Variants in ERC2 observed in about 807,000 individuals in gnomAD.
ERC2 encodes the protein ERC protein 2.
In ERC2, 42 loss-of-function variants were observed where a neutral mutation model predicts 114.8. The ratio of observed to expected loss-of-function variants is 0.37; its 90% CI spans 0.29 to 0.47. ERC2 has a LOEUF of 0.47. ERC2 is among the 20% of genes least tolerant of loss of function. The probability of loss-of-function intolerance (pLI) is 0.99; values close to 1 mark genes in which losing one functional copy is unlikely to be tolerated. For synonymous variants in ERC2, 454 were observed against 425.5 expected (o/e 1.07, Z -0.82); for missense variants, 939 against 1,150.7 (o/e 0.82, Z 2.66).
At chr3:56,040,040 C>T (rs1164076342) in intron 7 of ERC2, among the ~76,000 whole-genome samples, 1 of 152,006 alleles carries the variant, frequency 6.6e-6, no homozygotes, top group Non-Finnish European at 1.5e-5. Flanking sequence ...TGCAAAACTG[C>T]CCAAAGAAAA....
Position 55,733,542 on chromosome 3 carries a change from T to TCTCACA in ERC2, c.2712+1228_2712+1229insTGTGAG, listed in dbSNP as rs377515133. On this transcript the variant is annotated intron_variant, in intron 15 of 17. Transcript: ENST00000288221. ...CTGTCTCTCATTCTTTCTCTCTCTC[T>TCTCACA]CACACACACACACACACACACACAC... 5.9e-3 allele frequency among the ~76,000 whole-genome samples: 633 copies of TCTCACA among 107,846 alleles called. 26 individuals are homozygous for TCTCACA. The highest frequency in any genetic ancestry group is 0.016 in the African/African-American group (439 of 27,372). The allele number at this position is 107,846 out of a possible 152,430, so 70.8% of individuals were successfully genotyped here.
intron 15 of ERC2, 143 bp downstream of exon 15, chr3:55,734,628 A>G (rs1478960305): frequency 3.3e-6 from 3 of 900,964 alleles, no homozygotes; most frequent in African/African-American, 1.7e-5. Flanking sequence ...TGCAGCGACA[A>G]CTGGGTCCAT....
intron 17 of ERC2, among the ~76,000 whole-genome samples, chr3:55,521,911 T>C (rs1188987002): frequency 1.3e-5 from 2 of 152,220 alleles, no homozygotes; most frequent in African/African-American, 4.8e-5. Context: ...CAACAGCTAA[T>C]GCAGCAAGTT....
intron 6 of ERC2, among the ~76,000 whole-genome samples, chr3:56,103,372 G>A (rs112594981): frequency 3.4e-4 from 51 of 152,188 alleles, no homozygotes; most frequent in Middle Eastern, 3.4e-3. Context: ...AAATATGCCC[G>A]CGAGAAGAAG....
intron 17 of ERC2, among the ~76,000 whole-genome samples, chr3:55,649,071 A>G (rs2060507452): frequency 6.6e-6 from 1 of 152,094 alleles, no homozygotes; most frequent in African/African-American, 2.4e-5. Flanking sequence ...GTCCTGAGGA[A>G]CAAAAGTTCT....
At chr3:56,180,562 C>T (rs1314407802) in intron 3 of ERC2, among the ~76,000 whole-genome samples, 4 of 152,138 alleles carry the variant, frequency 2.6e-5, no homozygotes, top group African/African-American at 9.7e-5. Context: ...ATAAGCCAGA[C>T]AAATACTGCA....
At chr3:56,047,350 C>T (rs1035634866) in intron 7 of ERC2, among the ~76,000 whole-genome samples, 3 of 152,194 alleles carry the variant, frequency 2.0e-5, no homozygotes, top group African/African-American at 7.2e-5. Context: ...GTAAGTGATG[C>T]AAATCCAGAT....
At chr3:56,226,918 G>C (rs1326407209) in intron 3 of ERC2, among the ~76,000 whole-genome samples, 1 of 151,974 alleles carries the variant, frequency 6.6e-6, no homozygotes, top group Non-Finnish European at 1.5e-5. Flanking sequence ...CAAAGACATT[G>C]GCAGCACCCA....
intron 17 of ERC2, among the ~76,000 whole-genome samples, chr3:55,548,310 C>T (rs1004288145): frequency 2.0e-5 from 3 of 152,238 alleles, no homozygotes; most frequent in African/African-American, 2.4e-5. Flanking sequence ...ATTAATTTTT[C>T]TCCTTTCAGA....
chr3:55,520,033 T>C (rs976037921), intron 17 of ERC2, among the ~76,000 whole-genome samples: 2 of 132,454 alleles, frequency 1.5e-5, no homozygotes, highest in Admixed American at 1.5e-4. Context: ...CCAGCCTGGG[T>C]GATAGAGTGA....
At chr3:55,874,946 G>A (rs1271963058) in intron 14 of ERC2, among the ~76,000 whole-genome samples, 1 of 152,098 alleles carries the variant, frequency 6.6e-6, no homozygotes, top group Non-Finnish European at 1.5e-5. Flanking sequence ...AAGGGAAGAG[G>A]GAGAAAATCC....
intron 3 of ERC2, among the ~76,000 whole-genome samples, chr3:56,203,352 T>C (rs2048513557): frequency 6.6e-6 from 1 of 152,206 alleles, no homozygotes; most frequent in Non-Finnish European, 1.5e-5. Flanking sequence ...TCCACTTTTG[T>C]AGTTCGTGAC....
Position 55,561,629 on chromosome 3 carries a change from T to G in ERC2, c.*40-50353A>C, listed in dbSNP as rs148112720. On this transcript the variant is annotated intron_variant, in intron 17 of 17. Transcript: ENST00000288221. ...AATGTGGCATTTTTGTGTATCTATT[T>G]TCCCCACTGCCCTTTTCAGAAAGGT... 2.6e-5 allele frequency among the ~76,000 whole-genome samples: 4 copies of G among 152,308 alleles called. No homozygotes were observed. In the East Asian group the frequency reaches 7.7e-4, roughly 29 times the overall value.
At chr3:55,523,674 A>G (rs1025761670) in intron 17 of ERC2, among the ~76,000 whole-genome samples, 1 of 152,222 alleles carries the variant, frequency 6.6e-6, no homozygotes, top group Non-Finnish European at 1.5e-5. Flanking sequence ...TCATGAGGAC[A>G]GGCTATGTGT....
intron 3 of ERC2, among the ~76,000 whole-genome samples, chr3:56,204,564 C>T (rs1439388740): frequency 6.7e-6 from 1 of 149,008 alleles, no homozygotes; most frequent in East Asian, 2.0e-4. Context: ...AGTGCAGTGA[C>T]GTGATCTTGG....
At chr3:55,558,555 C>G (rs1422507436) in intron 17 of ERC2, among the ~76,000 whole-genome samples, 4 of 152,206 alleles carry the variant, frequency 2.6e-5, no homozygotes, top group Non-Finnish European at 5.9e-5. Context: ...GTAAATGTGG[C>G]CAGCCAACCA....
intron 2 of ERC2, among the ~76,000 whole-genome samples, chr3:56,382,044 CT>C (rs983003425): frequency 1.3e-5 from 2 of 152,172 alleles, no homozygotes; most frequent in African/African-American, 4.8e-5. Context: ...CCCATACTCA[CT>C]TTTAACTATT....
chr3:56,067,195 T>A (rs2076524235), intron 7 of ERC2, among the ~76,000 whole-genome samples: 1 of 152,228 alleles, frequency 6.6e-6, no homozygotes, highest in Non-Finnish European at 1.5e-5. Flanking sequence ...GAGGATGAAA[T>A]ATTTTTCCAT....
At chr3:56,363,224 A>T (rs1444715536) in intron 2 of ERC2, among the ~76,000 whole-genome samples, 2 of 152,254 alleles carry the variant, frequency 1.3e-5, no homozygotes, top group Non-Finnish European at 2.9e-5. Flanking sequence ...TGATGAATCA[A>T]AATGACCATA....
Sources: gnomAD v4.1 joint callset for allele counts (sites outside exome capture counted in the v4.1 genomes callset) on GRCh38, gnomAD v4.1.1 for gene constraint, MANE v1.5 for transcripts, NCBI Gene and HGNC (gene_info 2026-07-23, HGNC 2026-07-21) for gene names.